Variants in TAFA1 observed in about 807,000 individuals in gnomAD.
The protein encoded by TAFA1 is chemokine-like protein TAFA-1.
Under a neutral mutation model 18.5 loss-of-function variants are expected in TAFA1, and 4 were observed. The observed-to-expected ratio is 0.22, with a 90% CI of 0.11 to 0.49. The LOEUF is 0.49. Ranked by LOEUF, TAFA1 falls within the 20% of genes least tolerant of loss-of-function variation. The probability of loss-of-function intolerance (pLI) is 0.98; values close to 1 mark genes in which losing one functional copy is unlikely to be tolerated. For missense variants in TAFA1, 147 were observed against 169.0 expected (o/e 0.87, Z 0.72); for synonymous variants, 56 against 55.2 (o/e 1.01, Z -0.06).
At chr3:68,370,587 A>T in intron 2 of TAFA1, among the ~76,000 whole-genome samples, 1 of 140,614 alleles carries the variant, frequency 7.1e-6, no homozygotes, top group African/African-American at 2.6e-5. Flanking sequence ...AAAAACTCAA[A>T]ATGAATTGTT....
chr3:68,285,953 C>T (rs2067993763), intron 2 of TAFA1, among the ~76,000 whole-genome samples: 1 of 152,260 alleles, frequency 6.6e-6, no homozygotes, highest in East Asian at 1.9e-4. Flanking sequence ...TGGCTCATGC[C>T]CATAATCCCA....
chr3:68,073,702 G>T (rs1316114684), intron 2 of TAFA1, among the ~76,000 whole-genome samples: 1 of 152,014 alleles, frequency 6.6e-6, no homozygotes. Flanking sequence ...AGTTATACTG[G>T]TGGTGAGAGT....
intron 3 of TAFA1, among the ~76,000 whole-genome samples, chr3:68,475,778 A>AGTGTAAAT (rs1395075075): frequency 0.061 from 3,114 of 51,380 alleles, 44 homozygotes; most frequent in Admixed American, 0.12. Flanking sequence ...TCCCACCAAC[A>AGTGTAAAT]GTGTAAAAGT....
intron 2 of TAFA1, among the ~76,000 whole-genome samples, chr3:68,239,050 T>A (rs1320216909): frequency 6.6e-6 from 1 of 152,204 alleles, no homozygotes; most frequent in Non-Finnish European, 1.5e-5. Context: ...ACTTTTTGAA[T>A]ATTAAATTTT....
intron 3 of TAFA1, among the ~76,000 whole-genome samples, chr3:68,456,693 T>G (rs899088594): frequency 6.6e-6 from 1 of 152,162 alleles, no homozygotes; most frequent in African/African-American, 2.4e-5. Context: ...ATATAAAAGC[T>G]TCATTTCAAT....
intron 2 of TAFA1, among the ~76,000 whole-genome samples, chr3:68,065,966 T>A (rs558966973): frequency 6.6e-6 from 1 of 152,200 alleles, no homozygotes; most frequent in East Asian, 1.9e-4. Flanking sequence ...AATGTCAAAA[T>A]CATTATGCCA....
intron 3 of TAFA1, among the ~76,000 whole-genome samples, chr3:68,515,839 C>T (rs1200201105): frequency 6.6e-6 from 1 of 152,142 alleles, no homozygotes; most frequent in African/African-American, 2.4e-5. Context: ...AACAATTATC[C>T]CCTTTTTTTC....
intron 2 of TAFA1, among the ~76,000 whole-genome samples, chr3:68,240,890 C>T (rs2066988097): frequency 6.6e-6 from 1 of 152,188 alleles, no homozygotes; most frequent in Non-Finnish European, 1.5e-5. Flanking sequence ...CAGAGAGCAA[C>T]TTAACCATGG....
intron 3 of TAFA1, among the ~76,000 whole-genome samples, chr3:68,435,306 G>A (rs1167313955): frequency 6.6e-6 from 1 of 152,110 alleles, no homozygotes; most frequent in African/African-American, 2.4e-5. Flanking sequence ...AGAGAAGGGT[G>A]TGGGATGGGT....
intron 3 of TAFA1, among the ~76,000 whole-genome samples, chr3:68,425,468 A>G (rs2071035070): frequency 1.3e-5 from 2 of 151,960 alleles, no homozygotes; most frequent in African/African-American, 2.4e-5. Flanking sequence ...CTTGCATAAC[A>G]TCTTTAGTGA....
At chr3:68,183,431 G>A (rs932517060) in intron 2 of TAFA1, among the ~76,000 whole-genome samples, 9 of 152,144 alleles carry the variant, frequency 5.9e-5, no homozygotes, top group African/African-American at 2.2e-4. Context: ...TGTCTTTAGT[G>A]AGGTATAAAA....
intron 2 of TAFA1, among the ~76,000 whole-genome samples, chr3:68,217,675 C>G (rs12493936): frequency 0.33 from 50,277 of 151,786 alleles, 9,083 homozygotes; most frequent in Non-Finnish European, 0.4. Context: ...GATATAGGAA[C>G]TCTGTACTCT....
At chr3:68,213,772 G>A (rs1575683908) in intron 2 of TAFA1, among the ~76,000 whole-genome samples, 3 of 152,030 alleles carry the variant, frequency 2.0e-5, no homozygotes, top group African/African-American at 4.8e-5. Flanking sequence ...AAATGTCTGT[G>A]ATCAGAAAGT....
intron 2 of TAFA1, among the ~76,000 whole-genome samples, chr3:68,036,133 A>G (rs528539343): frequency 2.6e-4 from 39 of 152,276 alleles, no homozygotes; most frequent in Middle Eastern, 3.4e-3. Context: ...CTCATGAAAC[A>G]GTTCACCAAA....
chr3:68,028,762 T>A lies in TAFA1; in HGVS notation c.118+22018T>A, dbSNP rs1232498951. Among the ~76,000 whole-genome samples, 13 of 135,930 alleles carry A rather than the reference T, an allele frequency of 9.6e-5. No homozygotes were observed. The South Asian group carries it at 1.5e-3, about 15-fold the overall frequency. The allele number at this position is 135,930 out of a possible 152,430, so 89.2% of individuals were successfully genotyped here. ...TCTTTTTTTTTAAAATTTTTTTTTT[T>A]ATTTTTTTGAGATAGGGTTTCACTC... On this transcript the variant is annotated intron_variant, in intron 2 of 4. Coordinates refer to ENST00000478136, the MANE Select transcript of TAFA1 (RefSeq NM_213609.4).
chr3:68,111,243 C>A (rs1270787676), intron 2 of TAFA1, among the ~76,000 whole-genome samples: 1 of 152,150 alleles, frequency 6.6e-6, no homozygotes, highest in African/African-American at 2.4e-5. Context: ...TAGTAGCTGA[C>A]TTTTCAACCG....
At chr3:68,376,939 A>G (rs1337761374) in intron 2 of TAFA1, among the ~76,000 whole-genome samples, 1 of 152,076 alleles carries the variant, frequency 6.6e-6, no homozygotes, top group Admixed American at 6.6e-5. Context: ...GTGTTTGACA[A>G]TTCCTCCTTC....
At position 68,091,667 on chromosome 3, in the gene TAFA1, A is replaced by G. The variant is rs75137397; in HGVS notation, c.118+84923A>G. Among the ~76,000 whole-genome samples the G allele has an allele frequency of 5.2e-3, 798 of 152,260 alleles. 29 individuals carry two copies. The East Asian group carries it at 0.1, about 20-fold the overall frequency. On this transcript the variant is annotated intron_variant, in intron 2 of 4. Transcript: ENST00000478136. ...TAAACCACTACAAATGAATGAATGAATGAGCAAACTGAGGATGAAAAAAGC... is the reference window on the plus strand; with the variant it reads ...TAAACCACTACAAATGAATGAATGAGTGAGCAAACTGAGGATGAAAAAAGC...
intron 2 of TAFA1, among the ~76,000 whole-genome samples, chr3:68,354,900 G>A (rs2069333929): frequency 6.6e-6 from 1 of 151,980 alleles, no homozygotes; most frequent in African/African-American, 2.4e-5. Context: ...ATGCCTAATT[G>A]CCTCCTAAAG....
Sources: gnomAD v4.1 joint callset for allele counts (sites outside exome capture counted in the v4.1 genomes callset) on GRCh38, gnomAD v4.1.1 for gene constraint, MANE v1.5 for transcripts, NCBI Gene and HGNC (gene_info 2026-07-23, HGNC 2026-07-21) for gene names.